NAP1L1: variants seen among roughly 807,000 people sequenced by gnomAD.
The protein encoded by NAP1L1 is nucleosome assembly protein 1-like 1.
Under a neutral mutation model 58.9 loss-of-function variants are expected in NAP1L1, and 9 were observed. The ratio of observed to expected loss-of-function variants is 0.15; its 90% CI spans 0.09 to 0.27. The LOEUF (loss-of-function observed/expected upper bound fraction) is 0.27. Among genes scored for constraint, NAP1L1 ranks in the 10% least tolerant of loss-of-function variants. The pLI is 1.00. For synonymous variants in NAP1L1, 130 were observed against 138.3 expected, an observed-to-expected ratio of 0.94 and a Z score of 0.42; for missense variants, 302 against 458.8, an observed-to-expected ratio of 0.66 and a Z score of 3.12.
rs1047637315 is a variant in NAP1L1, at chr12:76,036,634, T to C, written c.*11795A>G. On this transcript the variant is annotated 3_prime_UTR_variant, in exon 15 of 15. Transcript: ENST00000618691. Reference sequence around the variant, plus strand: ...TCATAATGATTACAAAATTCTGATCTGTAAACCAATTTGCAATATACAGTA... The same window carrying C: ...TCATAATGATTACAAAATTCTGATCCGTAAACCAATTTGCAATATACAGTA... 2 of 152,208 alleles carry C rather than the reference T, an allele frequency of 1.3e-5. No individual in the cohort carries two copies. The highest frequency in any genetic ancestry group is 2.4e-5 in the African/African-American group (1 of 41,454). 9.4% of individuals were successfully genotyped at this position (152,208 alleles called of 1,614,324 possible).
chr12:76,076,774 T>C (rs1472165464), intron 1 of NAP1L1, among the ~76,000 whole-genome samples: 9 of 151,960 alleles, frequency 5.9e-5, no homozygotes, highest in Admixed American at 3.3e-4. Flanking sequence ...TCTGGGTGAT[T>C]GTATTGTTGT....
chr12:76,057,881 GT>G (rs1371828893), intron 6 of NAP1L1: 3 of 1,420,534 alleles, frequency 2.1e-6, no homozygotes, highest in Non-Finnish European at 2.9e-6. Context: ...ACCACAAAAG[GT>G]TACTATAGCC....
intron 14 of NAP1L1, chr12:76,048,987 G>A (rs1024957882): frequency 2.9e-5 from 16 of 547,792 alleles, no homozygotes; most frequent in African/African-American, 2.1e-4. Flanking sequence ...TAAAAAGCAC[G>A]AAGTCCAAAC....
At chr12:76,051,938 C>T (rs759353821) in intron 11 of NAP1L1, among the ~76,000 whole-genome samples, 9 of 151,792 alleles carry the variant, frequency 5.9e-5, no homozygotes, top group Non-Finnish European at 8.8e-5. Context: ...TGCTTGAACC[C>T]GGGAGGCAGA....
At position 76,058,191 on chromosome 12, in the gene NAP1L1, C is replaced by CTTCATATATATATATATATATA. The variant is rs1243475241; in HGVS notation, c.429+1606_429+1607insTATATATATATATATATATGAA. 9.2e-5 allele frequency: 29 copies of CTTCATATATATATATATATATA among 315,402 alleles called. 1 individual carries two copies. In the African/African-American group the frequency reaches 1.2e-3, roughly 13 times the overall value. 19.5% of individuals were successfully genotyped at this position (315,402 alleles called of 1,614,324 possible). A position where few individuals can be genotyped will look rare whatever the true frequency, so the allele number is the denominator to read the frequency against. Reference sequence around the variant, plus strand: ...TAGATATGGCCAAAGGGAGAGAGGCCTACATATATATATATATATATATAT... The same window carrying CTTCATATATATATATATATATA: ...TAGATATGGCCAAAGGGAGAGAGGCCTTCATATATATATATATATATATACATATATATATATATATATATAT... On this transcript the variant is annotated intron_variant, in intron 6 of 14. Transcript: ENST00000618691.
intron 1 of NAP1L1, chr12:76,084,095 GTTC>G (rs1192548526): frequency 1.3e-5 from 2 of 150,040 alleles, no homozygotes; most frequent in Non-Finnish European, 3.0e-5. Flanking sequence ...AGCCTCCGCC[GTTC>G]TTTTCATCTC....
rs1871077682 is a variant in NAP1L1 at position 76,037,526 on chromosome 12, A to G, written c.*10903T>C. On this transcript the variant is annotated 3_prime_UTR_variant, in exon 15 of 15. Coordinates refer to ENST00000618691, the MANE Select transcript of NAP1L1 (RefSeq NM_004537.7). ...TGGCCTTCAGTTTTACTCTTAAAAC[A>G]TGACAGAAAACTTCTATTCGCCTCC... The G allele has an allele frequency of 6.6e-6, 1 of 152,270 alleles. No homozygotes were observed. Among genetic ancestry groups the G allele is most frequent in the Non-Finnish European group, 1.5e-5 (1 of 68,054 alleles). The allele number at this position is 152,270 out of a possible 1,614,324, so 9.4% of individuals were successfully genotyped here.
intron 6 of NAP1L1, 73 bp downstream of exon 6, chr12:76,059,725 A>T (rs1949312341): frequency 1.9e-6 from 2 of 1,078,388 alleles, no homozygotes; most frequent in Non-Finnish European, 2.8e-6. Context: ...CTCCATCATT[A>T]AATGCTAACA....
At chr12:76,076,673 T>C (rs944865010) in intron 1 of NAP1L1, among the ~76,000 whole-genome samples, 15 of 149,796 alleles carry the variant, frequency 1.0e-4, no homozygotes, top group African/African-American at 3.7e-4. Context: ...CAGAGTAACC[T>C]AATGAGAAAG....
At chr12:76,051,847 T>C (rs1948847269) in intron 11 of NAP1L1, among the ~76,000 whole-genome samples, 1 of 152,014 alleles carries the variant, frequency 6.6e-6, no homozygotes, top group Non-Finnish European at 1.5e-5. Context: ...AAACCCCGTC[T>C]CTACTAAAAA....
In NAP1L1 at chr12:76,045,620, T is replaced by C. The variant is rs1221773888; in HGVS notation, c.*2809A>G. 2 of 152,196 alleles carry C rather than the reference T, an allele frequency of 1.3e-5. No individual in the cohort carries two copies. Among genetic ancestry groups the C allele is most frequent in the East Asian group, 3.9e-4 (2 of 5,194 alleles). The allele number at this position is 152,196 out of a possible 1,614,324, so 9.4% of individuals were successfully genotyped here. A position where few individuals can be genotyped will look rare whatever the true frequency, so the allele number is the denominator to read the frequency against. ...CCAGTTCCACACAATTAAGGTATTTTTGCAATCTAAAATAGTGATGCTAAT... is the reference window on the plus strand; with the variant it reads ...CCAGTTCCACACAATTAAGGTATTTCTGCAATCTAAAATAGTGATGCTAAT... On this transcript the variant is annotated 3_prime_UTR_variant, in exon 15 of 15. Coordinates refer to ENST00000618691, the MANE Select transcript of NAP1L1 (RefSeq NM_004537.7).
At position 76,077,844 on chromosome 12, in the gene NAP1L1, C is replaced by T. The variant is rs200071088; in HGVS notation, c.-20-3605G>A. Among the ~76,000 whole-genome samples the T allele has an allele frequency of 7.3e-5, 11 of 151,482 alleles. No individual in the cohort carries two copies. In the East Asian group the frequency reaches 7.8e-4, roughly 11 times the overall value. Reference sequence around the variant, plus strand: ...ACTAAAATACAAAAAATTAGCCGGGCGTGGTTGCACACACCTGTAGTCCCA... The same window carrying T: ...ACTAAAATACAAAAAATTAGCCGGGTGTGGTTGCACACACCTGTAGTCCCA... On this transcript the variant is annotated intron_variant, in intron 1 of 14. Coordinates refer to ENST00000618691, the MANE Select transcript of NAP1L1 (RefSeq NM_004537.7).
At chr12:76,049,808 A>C (rs750282106) in intron 12 of NAP1L1, 23 bp from the exon 13 acceptor site, 1 of 1,612,062 alleles carries the variant, frequency 6.2e-7, no homozygotes, top group East Asian at 2.2e-5. Context: ...AACAGCGTTA[A>C]GTGTTGAGTG....
In NAP1L1 at chr12:76,042,880, A is replaced by G. The variant is rs1948562869; in HGVS notation, c.*5549T>C. The G allele has an allele frequency of 6.6e-6, 1 of 152,230 alleles. No individual in the cohort carries two copies. 9.4% of individuals were successfully genotyped at this position (152,230 alleles called of 1,614,324 possible). On this transcript the variant is annotated 3_prime_UTR_variant, in exon 15 of 15. Transcript: ENST00000618691. ...TAGAAAACTTTTTGAGCCAAAAAGT[A>G]TGTTGATCAGAGTAAAGAATATACC...
chr12:76,064,971 G>A (rs1043317223), intron 4 of NAP1L1, among the ~76,000 whole-genome samples: 1 of 151,984 alleles, frequency 6.6e-6, no homozygotes, highest in Non-Finnish European at 1.5e-5. Context: ...TTGAAATCTT[G>A]ACTCCAAAAA....
intron 1 of NAP1L1, among the ~76,000 whole-genome samples, chr12:76,076,592 A>ATATATATATATATATCTC (rs1565747788): frequency 7.2e-6 from 1 of 139,702 alleles, no homozygotes; most frequent in South Asian, 2.3e-4. Context: ...ATATATATAT[A>ATATATATATATATATCTC]TCTCCACTCA....
intron 1 of NAP1L1, among the ~76,000 whole-genome samples, chr12:76,081,773 T>G (rs1950417256): frequency 6.6e-6 from 1 of 152,170 alleles, no homozygotes. Context: ...TATGGATAGG[T>G]GTAAAGTAAC....
chr12:76,054,544 G>A (rs1013651454), intron 8 of NAP1L1, among the ~76,000 whole-genome samples: 3 of 152,168 alleles, frequency 2.0e-5, no homozygotes, highest in African/African-American at 7.2e-5. Flanking sequence ...ACTACTGGAG[G>A]AATCAGGCTT....
At chr12:76,076,191 C>CT (rs935304024) in intron 1 of NAP1L1, among the ~76,000 whole-genome samples, 19 of 152,146 alleles carry the variant, frequency 1.2e-4, no homozygotes, top group African/African-American at 4.3e-4. Context: ...CCCAGAGATG[C>CT]TTTCTCCAAC....
Sources: allele counts gnomAD v4.1 joint callset (sites outside exome capture counted in the v4.1 genomes callset), GRCh38; gene constraint gnomAD v4.1.1; transcripts MANE v1.5; gene names NCBI Gene and HGNC (gene_info 2026-07-23, HGNC 2026-07-21).